Variants in DLG1 observed in about 807,000 individuals in gnomAD.
DLG1 encodes discs large MAGUK scaffold protein 1.
A neutral mutation model predicts 123.4 loss-of-function variants in DLG1; 42 were observed. The ratio of observed to expected loss-of-function variants is 0.34; its 90% confidence interval spans 0.27 to 0.44. DLG1 has a LOEUF of 0.44. Among genes scored for constraint, DLG1 ranks in the 20% least tolerant of loss-of-function variants. DLG1 has a pLI of 1.00. For synonymous variants in DLG1, 317 were observed against 356.2 expected (o/e 0.89, Z 1.24); for missense variants, 942 against 1,082.6 (o/e 0.87, Z 1.82).
intron 5 of DLG1, among the ~76,000 whole-genome samples, chr3:197,151,995 G>C (rs1012185710): frequency 4.6e-5 from 7 of 152,106 alleles, no homozygotes; most frequent in Non-Finnish European, 7.4e-5. Context: ...GTGAATTATA[G>C]AGCTTCACTG....
At chr3:197,206,014 C>A (rs1337709832) in intron 4 of DLG1, among the ~76,000 whole-genome samples, 3 of 152,192 alleles carry the variant, frequency 2.0e-5, no homozygotes, top group Non-Finnish European at 4.4e-5. Context: ...ATCTCCCTAT[C>A]TTAAAATCAG....
chr3:197,160,605 A>C (rs1310910952), intron 5 of DLG1, among the ~76,000 whole-genome samples: 1 of 152,100 alleles, frequency 6.6e-6, no homozygotes, highest in Non-Finnish European at 1.5e-5. Context: ...GTATTATTAT[A>C]ATGATTACAA....
intron 12 of DLG1, among the ~76,000 whole-genome samples, chr3:197,117,262 G>A (rs555688267): frequency 9.9e-5 from 15 of 152,276 alleles, no homozygotes; most frequent in South Asian, 6.2e-4. Context: ...CAGGCACTAC[G>A]AAAACCAGTT....
At chr3:197,097,079 C>A (rs1022546438) in intron 14 of DLG1, among the ~76,000 whole-genome samples, 5 of 152,210 alleles carry the variant, frequency 3.3e-5, no homozygotes, top group African/African-American at 1.2e-4. Context: ...CCCCATTAAT[C>A]TGAACCTTCT....
Position 197,281,564 on chromosome 3 carries a change from G to C in DLG1, c.318+1115C>G, listed in dbSNP as rs568190590. On this transcript the variant is annotated intron_variant, in intron 4 of 24. Coordinates refer to ENST00000667157, the MANE Select transcript of DLG1 (RefSeq NM_001366207.1). ...AAAGCAAGTGATGTATTAACCCAAA[G>C]AGTATGGAAATGGAAATTATCCTGG... 9.9e-4 allele frequency among the ~76,000 whole-genome samples: 150 copies of C among 152,156 alleles called. 2 individuals are homozygous for C. Among genetic ancestry groups the C allele is most frequent in the Non-Finnish European group, 1.6e-3 (106 of 68,010 alleles).
rs999032963 is a variant in DLG1, at chr3:197,133,958, G to C, written c.1020+2584C>G. On this transcript the variant is annotated intron_variant, in intron 10 of 24. Transcript: ENST00000667157. ...CCTCACTAAAAGTTGATTTAAGAGAGAGACTTGCCACAATGGTATCAGCAC... is the reference window on the plus strand; with the variant it reads ...CCTCACTAAAAGTTGATTTAAGAGACAGACTTGCCACAATGGTATCAGCAC... Among the ~76,000 whole-genome samples the C allele has an allele frequency of 3.3e-5, 5 of 152,334 alleles. No homozygotes were observed. In the East Asian group the frequency reaches 5.8e-4, roughly 18 times the overall value.
At chr3:197,079,270 T>G (rs1007314032) in intron 17 of DLG1, among the ~76,000 whole-genome samples, 1 of 152,188 alleles carries the variant, frequency 6.6e-6, no homozygotes, top group Admixed American at 6.5e-5. Flanking sequence ...AATTTCCACA[T>G]GTATTTCAAA....
intron 3 of DLG1, among the ~76,000 whole-genome samples, chr3:197,291,340 C>G (rs184972341): frequency 2.8e-4 from 41 of 146,604 alleles, no homozygotes; most frequent in Non-Finnish European, 4.4e-4. Flanking sequence ...CACACACACA[C>G]AGTTAGCAAG....
At chr3:197,244,176 A>G (rs1469527428) in intron 4 of DLG1, among the ~76,000 whole-genome samples, 1 of 152,212 alleles carries the variant, frequency 6.6e-6, no homozygotes, top group East Asian at 1.9e-4. Context: ...TAAAACTGGC[A>G]TGGGGAAATG....
chr3:197,139,780 T>G (rs1787064487), intron 8 of DLG1, among the ~76,000 whole-genome samples: 1 of 141,520 alleles, frequency 7.1e-6, no homozygotes, highest in African/African-American at 2.4e-5. Flanking sequence ...TGTACTTAAA[T>G]AAGTTTATAC....
At chr3:197,093,222 G>A (rs1440002056) in intron 14 of DLG1, among the ~76,000 whole-genome samples, 2 of 151,646 alleles carry the variant, frequency 1.3e-5, no homozygotes, top group Non-Finnish European at 2.9e-5. Flanking sequence ...GCAGTGGCGC[G>A]ATCTTGGCTC....
chr3:197,055,178 C>T (rs912610496), intron 23 of DLG1, among the ~76,000 whole-genome samples: 5 of 152,142 alleles, frequency 3.3e-5, no homozygotes, highest in East Asian at 1.9e-4. Flanking sequence ...TCTTGAACCA[C>T]GGAGTTCAAG....
At chr3:197,230,256 TAAAC>T (rs896569127) in intron 4 of DLG1, among the ~76,000 whole-genome samples, 3 of 152,320 alleles carry the variant, frequency 2.0e-5, no homozygotes, top group Non-Finnish European at 4.4e-5. Context: ...ATTTATATAA[TAAAC>T]AAATGTAAAT....
chr3:197,272,057 G>C (rs1764128728), intron 4 of DLG1, among the ~76,000 whole-genome samples: 1 of 152,170 alleles, frequency 6.6e-6, no homozygotes, highest in African/African-American at 2.4e-5. Context: ...TCCAATTTCA[G>C]ATAGCTCCCC....
At chr3:197,185,335 T>C (rs1715230387) in intron 5 of DLG1, among the ~76,000 whole-genome samples, 3 of 152,180 alleles carry the variant, frequency 2.0e-5, no homozygotes, top group African/African-American at 4.8e-5. Flanking sequence ...AACATGCTAA[T>C]GCTGTCTCTA....
At chr3:197,185,032 C>A (rs1358978132) in intron 5 of DLG1, among the ~76,000 whole-genome samples, 14 of 152,126 alleles carry the variant, frequency 9.2e-5, no homozygotes, top group Non-Finnish European at 2.9e-5. Flanking sequence ...GTTTGAGAAC[C>A]ACAAACTCCC....
intron 4 of DLG1, among the ~76,000 whole-genome samples, chr3:197,264,740 T>C (rs1760980699): frequency 6.6e-6 from 1 of 152,178 alleles, no homozygotes; most frequent in Non-Finnish European, 1.5e-5. Flanking sequence ...TTCCAGATTT[T>C]GAATTTTCAG....
chr3:197,119,370 GT>G, intron 12 of DLG1, 39 bp downstream of exon 12: 1 of 1,511,340 alleles, frequency 6.6e-7, no homozygotes, highest in Non-Finnish European at 8.9e-7. Flanking sequence ...CAATTTAATA[GT>G]TGATTTTATG....
At chr3:197,131,655 G>A (rs1298491942) in intron 10 of DLG1, among the ~76,000 whole-genome samples, 3 of 141,218 alleles carry the variant, frequency 2.1e-5, no homozygotes, top group Non-Finnish European at 1.5e-5. Context: ...GTGCAGTGGC[G>A]GGATCTCAGC....
Sources: gnomAD v4.1 joint callset for allele counts (sites outside exome capture counted in the v4.1 genomes callset) on GRCh38, gnomAD v4.1.1 for gene constraint, MANE v1.5 for transcripts, NCBI Gene and HGNC (gene_info 2026-07-23, HGNC 2026-07-21) for gene names.